Variants in DPH6 observed in about 807,000 individuals in gnomAD.
DPH6 encodes diphthine--ammonia ligase.
In DPH6, 33 loss-of-function variants were observed where a neutral mutation model predicts 38.2. The observed-to-expected ratio is 0.86, with a 90% CI of 0.65 to 1.15. DPH6 has a LOEUF of 1.15. Among genes scored for constraint, DPH6 ranks in the 50% most tolerant of loss-of-function variants. The pLI is 0.00. For synonymous variants in DPH6, 108 were observed against 103.0 expected (o/e 1.05, Z -0.30); for missense variants, 325 against 320.0 (o/e 1.02, Z -0.12).
At chr15:35,234,529 G>A (rs989408146) in intron 3 of DPH6, among the ~76,000 whole-genome samples, 6 of 152,132 alleles carry the variant, frequency 3.9e-5, no homozygotes, top group Non-Finnish European at 5.9e-5. Flanking sequence ...GAGATCAGTG[G>A]CTATTTGTTA....
the DPH6 span, among the ~76,000 whole-genome samples, chr15:35,185,954 T>A: frequency 2.0e-5 from 3 of 152,044 alleles, no homozygotes; most frequent in African/African-American, 7.2e-5. Context: ...CAGGATGGTC[T>A]CGATCTCCTG....
intron 3 of DPH6, among the ~76,000 whole-genome samples, chr15:35,516,202 A>G (rs960239907): frequency 1.3e-5 from 2 of 152,196 alleles, no homozygotes; most frequent in Non-Finnish European, 2.9e-5. Context: ...CAATACCCCT[A>G]AAGAGACAGA....
intron 3 of DPH6, among the ~76,000 whole-genome samples, chr15:35,295,730 TAA>T (rs1291431058): frequency 1.3e-5 from 2 of 152,178 alleles, no homozygotes; most frequent in African/African-American, 4.8e-5. Context: ...TTAGTAATCA[TAA>T]AAATCAATTT....
intron 3 of DPH6, among the ~76,000 whole-genome samples, chr15:35,467,354 CA>C: frequency 1.3e-5 from 2 of 152,148 alleles, no homozygotes; most frequent in South Asian, 2.1e-4. Flanking sequence ...CACTTGAGGT[CA>C]GGAGTTTGAG....
chr15:35,302,835 C>T (rs1344415748), intron 3 of DPH6, among the ~76,000 whole-genome samples: 1 of 151,670 alleles, frequency 6.6e-6, no homozygotes, highest in South Asian at 2.1e-4. Flanking sequence ...AAATAACCAC[C>T]TGAATTCAAA....
At chr15:35,355,755 A>T (rs1363215668) in intron 3 of DPH6, among the ~76,000 whole-genome samples, 4 of 152,052 alleles carry the variant, frequency 2.6e-5, no homozygotes, top group African/African-American at 9.7e-5. Context: ...TCTGACGATT[A>T]TGTGTCTTGG....
chr15:35,463,457 A>C (rs2054090016), intron 3 of DPH6, among the ~76,000 whole-genome samples: 1 of 152,190 alleles, frequency 6.6e-6, no homozygotes, highest in Non-Finnish European at 1.5e-5. Context: ...AAACAAAAGG[A>C]TGATTCAATG....
At chr15:35,286,425 C>A (rs1486749566) in intron 3 of DPH6, among the ~76,000 whole-genome samples, 1 of 152,198 alleles carries the variant, frequency 6.6e-6, no homozygotes, top group Non-Finnish European at 1.5e-5. Flanking sequence ...GCCTTCTCTG[C>A]TCACTTCACT....
At chr15:35,332,928 G>A (rs919126932) in intron 3 of DPH6, among the ~76,000 whole-genome samples, 4 of 151,992 alleles carry the variant, frequency 2.6e-5, no homozygotes, top group Admixed American at 2.6e-4. Flanking sequence ...ATTTCCAGAT[G>A]GGGGGTGAAG....
At chr15:35,190,590 G>A in the DPH6 span, among the ~76,000 whole-genome samples, 2 of 152,206 alleles carry the variant, frequency 1.3e-5, no homozygotes, top group Non-Finnish European at 2.9e-5. Context: ...ATCCCCAAGA[G>A]CAGTTTAGGG....
intron 3 of DPH6, among the ~76,000 whole-genome samples, chr15:35,270,277 T>C (rs1034209641): frequency 6.6e-6 from 1 of 152,240 alleles, no homozygotes; most frequent in African/African-American, 2.4e-5. Context: ...CTATAGTCTT[T>C]AGTCCATGTT....
intron 3 of DPH6, among the ~76,000 whole-genome samples, chr15:35,364,772 G>A (rs2052642873): frequency 6.6e-6 from 1 of 151,404 alleles, no homozygotes; most frequent in Non-Finnish European, 1.5e-5. Context: ...ATTTTGTTTG[G>A]GGTTCATAAG....
chr15:35,501,496 C>T (rs899841124), intron 3 of DPH6, among the ~76,000 whole-genome samples: 1 of 152,124 alleles, frequency 6.6e-6, no homozygotes, highest in African/African-American at 2.4e-5. Context: ...TACAACTTTT[C>T]TTCAACTTCC....
intron 3 of DPH6, among the ~76,000 whole-genome samples, chr15:35,484,987 AAT>A (rs2141158592): frequency 6.6e-6 from 1 of 152,370 alleles, no homozygotes; most frequent in African/African-American, 2.4e-5. Context: ...AAATAATAAA[AAT>A]GTCACTAAAT....
At chr15:35,188,131 A>G in the DPH6 span, among the ~76,000 whole-genome samples, 9 of 152,298 alleles carry the variant, frequency 5.9e-5, no homozygotes, top group South Asian at 1.9e-3. Flanking sequence ...CTCTAAAATA[A>G]TAATTGGTCA....
chr15:35,340,969 T>C (rs573774967), intron 3 of DPH6, among the ~76,000 whole-genome samples: 19 of 152,334 alleles, frequency 1.2e-4, no homozygotes, highest in African/African-American at 4.3e-4. Flanking sequence ...TTCTGAAGTA[T>C]ATTTTCCACC....
At chr15:35,157,810 C>A in the DPH6 span, among the ~76,000 whole-genome samples, 1 of 152,064 alleles carries the variant, frequency 6.6e-6, no homozygotes, top group East Asian at 1.9e-4. Flanking sequence ...TAAAAATGTT[C>A]TTCGTCACTC....
At chr15:35,272,954 C>G (rs960719513) in intron 3 of DPH6, among the ~76,000 whole-genome samples, 6 of 151,308 alleles carry the variant, frequency 4.0e-5, no homozygotes, top group African/African-American at 1.5e-4. Context: ...ACCCTCATGG[C>G]TCCCTCTCTT....
chr15:35,285,871 A>ATTTTTTTTTTTTTTTTTTTTTTTTTTTT (rs1566859769), intron 3 of DPH6, among the ~76,000 whole-genome samples: 1 of 2,858 alleles, frequency 3.5e-4, no homozygotes, highest in Non-Finnish European at 1.0e-3. Flanking sequence ...TTTATCTTTG[A>ATTTTTTTTTTTTTTTTTTTTTTTTTTTT]GTTTTTTTTT....
Sources: gnomAD v4.1 joint callset for allele counts (sites outside exome capture counted in the v4.1 genomes callset) on GRCh38, gnomAD v4.1.1 for gene constraint, MANE v1.5 for transcripts, NCBI Gene and HGNC (gene_info 2026-07-23, HGNC 2026-07-21) for gene names.